EXOC3: variants seen among roughly 807,000 people sequenced by gnomAD.
The protein encoded by EXOC3 is exocyst complex component 3.
A neutral mutation model predicts 73.7 loss-of-function variants in EXOC3; 21 were observed. The observed-to-expected ratio is 0.29, with a 90% CI of 0.20 to 0.41. The LOEUF is 0.41. EXOC3 is among the 10% of genes least tolerant of loss of function. The pLI is 1.00. For missense variants in EXOC3, 842 were observed against 985.1 expected (o/e 0.85, Z 1.95); for synonymous variants, 410 against 389.1 (o/e 1.05, Z -0.63).
In EXOC3 at chr5:443,217, A is replaced by G. The variant is rs558906544; in HGVS notation, c.-130A>G. Reference sequence around the variant, plus strand: ...CCGGAGGCGGAGGCAGCGAAGGCGGAGGGGGCGGCGGGGGCGGCGGCGGCG... The same window carrying G: ...CCGGAGGCGGAGGCAGCGAAGGCGGGGGGGGCGGCGGGGGCGGCGGCGGCG... On this transcript the variant is annotated 5_prime_UTR_variant, in exon 1 of 13. Coordinates refer to ENST00000512944, the MANE Select transcript of EXOC3 (RefSeq NM_007277.5). 7.4e-6 allele frequency: 1 copy of G among 134,736 alleles called. No homozygotes were observed. Among genetic ancestry groups the G allele is most frequent in the Non-Finnish European group, 1.7e-5 (1 of 59,092 alleles). 8.3% of individuals were successfully genotyped at this position (134,736 alleles called of 1,614,324 possible).
rs531519036 is a variant in EXOC3, at chr5:453,545, G to A, written c.540G>A (p.Thr180=). 82 of 1,614,020 alleles carry A rather than the reference G, an allele frequency of 5.1e-5. No homozygotes were observed. Among genetic ancestry groups the A allele is most frequent in the South Asian group, 5.1e-4 (46 of 91,082 alleles). Residue 180 remains threonine (T), a synonymous_variant, in exon 4 of 13, where the codon ACG becomes ACA. Transcript: ENST00000512944. ...MTLIHGYFGS[T]QGLSDELAKQ... Reference sequence around the variant, plus strand: ...TCATCCATGGCTACTTTGGCAGCACGCAGGGGCTCTCTGATGAGCTGGCTA... The same window carrying A: ...TCATCCATGGCTACTTTGGCAGCACACAGGGGCTCTCTGATGAGCTGGCTA...
At chr5:444,005 TC>T (rs1315279107) in intron 1 of EXOC3, among the ~76,000 whole-genome samples, 1 of 150,840 alleles carries the variant, frequency 6.6e-6, no homozygotes, top group African/African-American at 2.4e-5. Flanking sequence ...GCACAGGTGT[TC>T]CCCTCGGCGC....
At chr5:458,159 T>C in intron 6 of EXOC3, 134 bp downstream of exon 6, 2 of 871,228 alleles carry the variant, frequency 2.3e-6, no homozygotes, top group Non-Finnish European at 3.5e-6. Flanking sequence ...CCCTGCCTGG[T>C]GCATCTAAGT....
chr5:455,043 G>GTGGCGCTCTGTGCAACCC (rs1737768317), intron 4 of EXOC3, among the ~76,000 whole-genome samples: 1 of 151,470 alleles, frequency 6.6e-6, no homozygotes, highest in African/African-American at 2.4e-5. Flanking sequence ...CTGTGCAACC[G>GTGGCGCTCTGTGCAACCC]TGGCGCTCTG....
intron 7 of EXOC3, among the ~76,000 whole-genome samples, chr5:460,077 G>A (rs970495724): frequency 6.6e-6 from 1 of 152,158 alleles, no homozygotes. Context: ...TGGTATTTGC[G>A]ACCCTCTCTG....
At chr5:464,723 G>C (rs1738087458) in intron 10 of EXOC3, 1 of 408,188 alleles carries the variant, frequency 2.4e-6, no homozygotes, top group Non-Finnish European at 4.5e-6. Context: ...TTCCGCTTCA[G>C]ACCCTCCTTC....
Position 462,253 on chromosome 5 carries a change from C to T in EXOC3, c.1599C>T (p.Ala533=). 1 of 1,613,960 alleles carries T rather than the reference C, an allele frequency of 6.2e-7. No homozygotes were observed. The highest frequency in any genetic ancestry group is 2.2e-5 in the East Asian group (1 of 44,888). The change falls in exon 9 of 13, where the codon GCC becomes GCT. Residue 533 remains alanine, a synonymous_variant. Coordinates refer to ENST00000512944, the MANE Select transcript of EXOC3 (RefSeq NM_007277.5). ...CCAGCATGGACGGGATTTTAGACGC[C>T]ATCGCGAAGGAGGGCTGCAGCGGTT... The part of the protein sequence containing the change: ...SQPSMDGILD[A]IAKEGCSGLL...
intron 9 of EXOC3, among the ~76,000 whole-genome samples, chr5:462,740 T>G (rs968483528): frequency 6.6e-6 from 1 of 152,092 alleles, no homozygotes; most frequent in African/African-American, 2.4e-5. Flanking sequence ...AATGTAGGGG[T>G]TATTTCAGAA....
Position 446,296 on chromosome 5 carries a change from C to T in EXOC3, c.91C>T (p.Gln31Ter), listed in dbSNP as rs1737503526. Reference sequence around the variant, plus strand: ...CCCGGACCAGCTGGACAAGGTGGAGCAGTATCGCAGGAGAGAAGCGCGGAA... The same window carrying T: ...CCCGGACCAGCTGGACAAGGTGGAGTAGTATCGCAGGAGAGAAGCGCGGAA... ...QRPDQLDKVE[Q>*]YRRREARKKA... Residue 31 changes from glutamine (Q) to a stop codon, truncating the protein, a stop_gained, in exon 2 of 13, where the codon CAG becomes TAG. Coordinates refer to ENST00000512944, the MANE Select transcript of EXOC3 (RefSeq NM_007277.5). LOFTEE classifies it high-confidence loss of function. 6.2e-7 allele frequency: 1 copy of T among 1,613,716 alleles called. No individual in the cohort carries two copies. The highest frequency in any genetic ancestry group is 8.5e-7 in the Non-Finnish European group (1 of 1,179,822).
chr5:455,587 G>A (rs913018911), intron 4 of EXOC3, among the ~76,000 whole-genome samples: 1 of 143,820 alleles, frequency 7.0e-6, no homozygotes, highest in South Asian at 2.3e-4. Context: ...ACGTATTTAC[G>A]GAACATAGCA....
Position 446,238 on chromosome 5 carries a change from A to G in EXOC3, c.33A>G (p.Thr11=). The G allele has an allele frequency of 6.2e-7, 1 of 1,614,010 alleles. No homozygotes were observed. Among genetic ancestry groups the G allele is most frequent in the Non-Finnish European group, 8.5e-7 (1 of 1,179,892 alleles). The change falls in exon 2 of 13, where the codon ACA becomes ACG. Residue 11 remains threonine, a synonymous_variant. Transcript: ENST00000512944. The part of the protein sequence containing the change: MKETDREAVA[T]AVQRVAGMLQ... ...AGACAGACCGGGAGGCCGTTGCGAC[A>G]GCAGTGCAAAGGGTTGCTGGGATGC...
In EXOC3 at chr5:461,953, T is replaced by C. The variant is rs370666944; in HGVS notation, c.1392-7T>C. The C allele has an allele frequency of 6.5e-5, 102 of 1,575,378 alleles. 1 individual carries two copies. In the African/African-American group the frequency reaches 1.3e-3, roughly 21 times the overall value. On this transcript the variant is annotated splice_polypyrimidine_tract_variant and splice_region_variant and intron_variant, in intron 7 of 12. Transcript: ENST00000512944. Reference sequence around the variant, plus strand: ...GTGCTGTCTGACCGAAGCCTGTCTGTCCTCAGATATAAAGATGAAGCGCAG... The same window carrying C: ...GTGCTGTCTGACCGAAGCCTGTCTGCCCTCAGATATAAAGATGAAGCGCAG...
Position 454,013 on chromosome 5 carries a change from C to A in EXOC3, c.1008C>A (p.Ile336=). The A allele has an allele frequency of 6.2e-7, 1 of 1,612,740 alleles. No homozygotes were observed. The highest frequency in any genetic ancestry group is 8.5e-7 in the Non-Finnish European group (1 of 1,179,300). ...CGGAAGACCTGGAAGCCAATGAGAT[C>A]GTGAGCCTCTTGACGTGGGTCTTAA... The part of the protein sequence containing the change: ...LASEDLEANE[I]VSLLTWVLNT... Residue 336 remains isoleucine (I), a synonymous_variant, in exon 4 of 13, where the codon ATC becomes ATA. Transcript: ENST00000512944.
rs866825111 is a variant in EXOC3 at position 445,380 on chromosome 5, C to T, written c.-56-770C>T. On this transcript the variant is annotated intron_variant, in intron 1 of 12. Transcript: ENST00000512944. The stretch of plus-strand genomic sequence containing the variant: ...TTTTTTTTTTTTTGAGACGGAGTCT[C>T]GCTCTGTCGCCCAGGCTGGAGTGCA... Among the ~76,000 whole-genome samples, 20 of 138,084 alleles carry T rather than the reference C, an allele frequency of 1.4e-4. 1 individual carries two copies. Among genetic ancestry groups the T allele is most frequent in the African/African-American group, 5.2e-4 (19 of 36,380 alleles). The allele number at this position is 138,084 out of a possible 152,430, so 90.6% of individuals were successfully genotyped here.
chr5:455,007 G>A (rs954441157), intron 4 of EXOC3, among the ~76,000 whole-genome samples: 25 of 152,030 alleles, frequency 1.6e-4, no homozygotes, highest in African/African-American at 5.6e-4. Context: ...AATGGTCACC[G>A]TGACGCTCTG....
chr5:462,945 A>G (rs1738032952), intron 9 of EXOC3, among the ~76,000 whole-genome samples: 1 of 152,220 alleles, frequency 6.6e-6, no homozygotes, highest in African/African-American at 2.4e-5. Context: ...ATCTCTACTC[A>G]AAATACAAAA....
intron 7 of EXOC3, among the ~76,000 whole-genome samples, chr5:460,660 A>G (rs1737957343): frequency 6.9e-6 from 1 of 145,544 alleles, no homozygotes; most frequent in Non-Finnish European, 1.5e-5. Flanking sequence ...GTCTTAGCCA[A>G]GTCCCCACTG....
At position 465,714 on chromosome 5, in the gene EXOC3, C is replaced by G. The variant is rs1560941527; in HGVS notation, c.1939-4C>G. On this transcript the variant is annotated splice_polypyrimidine_tract_variant and splice_region_variant and intron_variant, in intron 11 of 12. Coordinates refer to ENST00000512944, the MANE Select transcript of EXOC3 (RefSeq NM_007277.5). ...CGGCTCCTCACATTGCTGCTGCCTT[C>G]CAGGGTTTCGGGGAAGACGTGGACG... 2 of 1,613,698 alleles carry G rather than the reference C, an allele frequency of 1.2e-6. No homozygotes were observed. The highest frequency in any genetic ancestry group is 1.7e-6 in the Non-Finnish European group (2 of 1,179,876).
In EXOC3 at chr5:443,211, A is replaced by AGGCGGAGGGGGCGGAGGGGGCGGAGGG. The variant is rs1176558713; in HGVS notation, c.-122_-121insAGGGGGCGGAGGGGGCGGAGGGGGCGG. 13 of 145,190 alleles carry AGGCGGAGGGGGCGGAGGGGGCGGAGGG rather than the reference A, an allele frequency of 9.0e-5. No individual in the cohort carries two copies. The highest frequency in any genetic ancestry group is 1.7e-4 in the Non-Finnish European group (11 of 65,232). The allele number at this position is 145,190 out of a possible 1,614,324, so 9.0% of individuals were successfully genotyped here. ...GGGACCCCGGAGGCGGAGGCAGCGA[A>AGGCGGAGGGGGCGGAGGGGGCGGAGGG]GGCGGAGGGGGCGGCGGGGGCGGCG... On this transcript the variant is annotated 5_prime_UTR_variant, in exon 1 of 13. Transcript: ENST00000512944.
Sources: gnomAD v4.1 joint callset for allele counts (sites outside exome capture counted in the v4.1 genomes callset) on GRCh38, gnomAD v4.1.1 for gene constraint, MANE v1.5 for transcripts, NCBI Gene and HGNC (gene_info 2026-07-23, HGNC 2026-07-21) for gene names.